Variants in PPP2R2B observed in about 807,000 individuals in gnomAD.
The protein encoded by PPP2R2B is protein phosphatase 2 regulatory subunit Bbeta.
A neutral mutation model predicts 46.0 loss-of-function variants in PPP2R2B; 5 were observed. The observed-to-expected ratio is 0.11, with a 90% confidence interval of 0.06 to 0.23. The LOEUF (loss-of-function observed/expected upper bound fraction) is 0.23. Among genes scored for constraint, PPP2R2B ranks in the 10% least tolerant of loss-of-function variants. The pLI, the probability that PPP2R2B is intolerant of heterozygous loss-of-function variation, is 1.00. For synonymous variants in PPP2R2B, 215 were observed against 206.7 expected (o/e 1.04, Z -0.34); for missense variants, 367 against 575.0 (o/e 0.64, Z 3.70).
At chr5:146,705,677 A>G (rs1779792903) in intron 2 of PPP2R2B, among the ~76,000 whole-genome samples, 1 of 152,162 alleles carries the variant, frequency 6.6e-6, no homozygotes, top group South Asian at 2.1e-4. Flanking sequence ...TACTTTACCA[A>G]AGTAACTTAC....
chr5:147,042,222 A>AC lies in PPP2R2B; in HGVS notation c.79+13442dup, dbSNP rs542778772. Among the ~76,000 whole-genome samples, 420 of 149,536 alleles carry AC rather than the reference A, an allele frequency of 2.8e-3. 1 individual carries two copies. The highest frequency in any genetic ancestry group is 8.8e-3 in the South Asian group (41 of 4,654). ...ACTTCTGTAAAATTGTTTTAACTAG[A>AC]CCCCCCCCTCCCCTTTCTAAACCAA... On this transcript the variant is annotated intron_variant, in intron 1 of 8. Transcript: ENST00000336640.
chr5:146,775,119 A>G (rs1755104386), intron 2 of PPP2R2B, among the ~76,000 whole-genome samples: 1 of 152,218 alleles, frequency 6.6e-6, no homozygotes, highest in Non-Finnish European at 1.5e-5. Flanking sequence ...ACACAGAAAC[A>G]AAAACACTTT....
chr5:146,955,499 C>A (rs905249997), intron 1 of PPP2R2B, among the ~76,000 whole-genome samples: 13 of 152,022 alleles, frequency 8.6e-5, no homozygotes, highest in Admixed American at 4.6e-4. Context: ...ATTGGAAGCA[C>A]CTGAAGTATC....
At chr5:146,777,120 T>C (rs1386865246) in intron 2 of PPP2R2B, among the ~76,000 whole-genome samples, 2 of 152,084 alleles carry the variant, frequency 1.3e-5, no homozygotes, top group African/African-American at 4.8e-5. Flanking sequence ...ATTCCACTCC[T>C]AGGCATGCAC....
chr5:146,623,203 A>G (rs1286790474), intron 7 of PPP2R2B, among the ~76,000 whole-genome samples: 1 of 152,252 alleles, frequency 6.6e-6, no homozygotes, highest in African/African-American at 2.4e-5. Flanking sequence ...AAACTGAAAA[A>G]TGCTACGCGT....
chr5:146,744,033 G>A lies in PPP2R2B; in HGVS notation c.71-42891C>T, dbSNP rs141393891. On this transcript the variant is annotated intron_variant, in intron 2 of 9. Transcript: ENST00000394411. ...CCAAGTGTAGATTTATTCATACCAT[G>A]CCTGGAAATTATAAAGTGGCAAAAA... Among the ~76,000 whole-genome samples the A allele has an allele frequency of 1.6e-3, 242 of 152,212 alleles. 1 individual carries two copies. The highest frequency in any genetic ancestry group is 5.3e-3 in the African/African-American group (219 of 41,528).
intron 1 of PPP2R2B, among the ~76,000 whole-genome samples, chr5:147,028,247 C>CGA (rs1755621009): frequency 6.6e-6 from 1 of 152,122 alleles, no homozygotes; most frequent in African/African-American, 2.4e-5. Context: ...ACCTCTTCTC[C>CGA]CTTCTTGATC....
intron 1 of PPP2R2B, chr5:146,918,482 T>A (rs989560614): frequency 6.6e-6 from 1 of 152,228 alleles, no homozygotes; most frequent in Non-Finnish European, 1.5e-5. Flanking sequence ...AATATTATTT[T>A]ATTCAATATT....
intron 2 of PPP2R2B, among the ~76,000 whole-genome samples, chr5:146,796,857 G>C (rs1756570759): frequency 6.6e-6 from 1 of 152,108 alleles, no homozygotes; most frequent in Admixed American, 6.6e-5. Flanking sequence ...TGTGATTATT[G>C]CTACTAATTA....
At chr5:146,885,953 G>A (rs1393260724) in intron 1 of PPP2R2B, among the ~76,000 whole-genome samples, 1 of 152,068 alleles carries the variant, frequency 6.6e-6, no homozygotes, top group Admixed American at 6.5e-5. Flanking sequence ...TAGATTAGTG[G>A]TTGCCAGGGA....
intron 5 of PPP2R2B, among the ~76,000 whole-genome samples, chr5:146,655,038 C>T (rs1435475333): frequency 6.6e-6 from 1 of 152,122 alleles, no homozygotes; most frequent in Admixed American, 6.5e-5. Flanking sequence ...CAGTCCTTGG[C>T]CCTCTGAGCG....
chr5:146,878,108 G>T lies in PPP2R2B; in HGVS notation c.-37C>A, dbSNP rs1431033394. On this transcript the variant is annotated 5_prime_UTR_variant, in exon 2 of 10. Coordinates refer to ENST00000394411, the MANE Select transcript of PPP2R2B (RefSeq NM_181675.4). The surrounding 1 kb of genome is among the most constrained non-coding windows in gnomAD (Gnocchi z 4.5). ...TTACTTGCGTGGGAACCAGAAGCCG[G>T]CAGACAAGTATCCATGATCCCTCCC... The T allele has an allele frequency of 2.5e-6, 4 of 1,613,916 alleles. No individual in the cohort carries two copies. The African/African-American group carries it at 5.3e-5, about 22-fold the overall frequency.
chr5:147,028,146 G>A (rs1006055124), intron 1 of PPP2R2B, among the ~76,000 whole-genome samples: 1 of 152,132 alleles, frequency 6.6e-6, no homozygotes, highest in African/African-American at 2.4e-5. Flanking sequence ...TTTTCTGCAA[G>A]GTCTTCAGTT....
chr5:146,606,315 C>T (rs1772265636), intron 7 of PPP2R2B, among the ~76,000 whole-genome samples: 1 of 152,072 alleles, frequency 6.6e-6, no homozygotes, highest in Non-Finnish European at 1.5e-5. Context: ...TTAGGAGGGG[C>T]CCAAGACCAC....
chr5:146,918,775 A>G (rs1763487173), intron 1 of PPP2R2B, among the ~76,000 whole-genome samples: 1 of 151,820 alleles, frequency 6.6e-6, no homozygotes, highest in Middle Eastern at 3.4e-3. Flanking sequence ...TGATTATCTC[A>G]TACCTCCCTT....
intron 2 of PPP2R2B, among the ~76,000 whole-genome samples, chr5:146,842,908 G>T (rs1018016204): frequency 2.6e-5 from 4 of 152,152 alleles, no homozygotes; most frequent in African/African-American, 9.7e-5. Flanking sequence ...TTTAAAATTG[G>T]CTGGGCGCGG....
At chr5:146,981,311 C>T (rs984624623) in intron 1 of PPP2R2B, among the ~76,000 whole-genome samples, 15 of 152,134 alleles carry the variant, frequency 9.9e-5, no homozygotes, top group Non-Finnish European at 1.3e-4. Flanking sequence ...GTCCTCACAA[C>T]TAGAAGTTTC....
intron 5 of PPP2R2B, among the ~76,000 whole-genome samples, chr5:146,685,468 A>C (rs1778434061): frequency 6.6e-6 from 1 of 152,258 alleles, no homozygotes; most frequent in African/African-American, 2.4e-5. Flanking sequence ...CTGTTTAATC[A>C]GTTCTCTAGG....
intron 5 of PPP2R2B, among the ~76,000 whole-genome samples, chr5:146,677,807 C>CGT (rs1472345471): frequency 5.3e-5 from 8 of 152,048 alleles, no homozygotes; most frequent in African/African-American, 1.4e-4. Flanking sequence ...GGATTACAGG[C>CGT]GTGTACCACC....
Sources: allele counts gnomAD v4.1 joint callset (sites outside exome capture counted in the v4.1 genomes callset), GRCh38; gene constraint gnomAD v4.1.1; non-coding constraint Gnocchi (gnomAD v3.1); transcripts MANE v1.5; gene names NCBI Gene and HGNC (gene_info 2026-07-23, HGNC 2026-07-21).